Variants in RELL1 observed in about 807,000 individuals in gnomAD.
The protein encoded by RELL1 is RELT-like protein 1.
Under a neutral mutation model 23.0 loss-of-function variants are expected in RELL1, and 10 were observed. The observed-to-expected ratio is 0.43, with a 90% confidence interval of 0.27 to 0.74. The LOEUF (loss-of-function observed/expected upper bound fraction) is 0.74, where lower values mean the gene tolerates loss of function less well. RELL1 is among the 30% of genes least tolerant of loss of function. The probability of loss-of-function intolerance (pLI) is 0.19; values close to 1 mark genes in which losing one functional copy is unlikely to be tolerated. For synonymous variants in RELL1, 146 were observed against 146.8 expected, an observed-to-expected ratio of 0.99 and a Z score of 0.04; for missense variants, 315 against 364.4, an observed-to-expected ratio of 0.86 and a Z score of 1.10.
chr4:37,599,893 G>T (rs1718970646), intron 6 of RELL1, among the ~76,000 whole-genome samples: 1 of 152,108 alleles, frequency 6.6e-6, no homozygotes, highest in South Asian at 2.1e-4. Flanking sequence ...GTGATGGCTA[G>T]GCCCCTCTCT....
At chr4:37,649,650 T>C (rs1233711234) in intron 1 of RELL1, 150 bp from the exon 2 acceptor site, 11 of 654,316 alleles carry the variant, frequency 1.7e-5, no homozygotes, top group Non-Finnish European at 2.9e-5. Context: ...AGGCAAAAGA[T>C]AGCCCAGGTT....
At chr4:37,671,635 C>T (rs771447792) in intron 1 of RELL1, among the ~76,000 whole-genome samples, 5 of 152,206 alleles carry the variant, frequency 3.3e-5, no homozygotes, top group Non-Finnish European at 7.3e-5. Context: ...ATTGCTCACC[C>T]TCTTCCTGGA....
At chr4:37,653,960 T>C (rs1193044926) in intron 1 of RELL1, among the ~76,000 whole-genome samples, 3 of 152,222 alleles carry the variant, frequency 2.0e-5, no homozygotes, top group African/African-American at 7.2e-5. Context: ...CCTGCCCAAA[T>C]TGTATAACAA....
intron 1 of RELL1, among the ~76,000 whole-genome samples, chr4:37,649,719 C>A (rs1417292206): frequency 6.6e-6 from 1 of 152,224 alleles, no homozygotes; most frequent in East Asian, 1.9e-4. Flanking sequence ...CATGCTGGGT[C>A]ATTTTTTAAA....
At chr4:37,603,874 A>T (rs546060681) in intron 6 of RELL1, among the ~76,000 whole-genome samples, 1 of 152,302 alleles carries the variant, frequency 6.6e-6, no homozygotes, top group South Asian at 2.1e-4. Context: ...GCTTGAATGC[A>T]ATGGCACAAT....
intron 1 of RELL1, among the ~76,000 whole-genome samples, chr4:37,660,845 C>A (rs1294042095): frequency 6.6e-6 from 1 of 152,224 alleles, no homozygotes; most frequent in Non-Finnish European, 1.5e-5. Flanking sequence ...TCCTGGCTAA[C>A]ACGGTGAAAC....
chr4:37,591,750 A>G (rs376063576), intron 6 of RELL1: 17 of 152,250 alleles, frequency 1.1e-4, no homozygotes, highest in East Asian at 5.8e-4. Context: ...TAAGTTCATG[A>G]CATTCGGAAC....
chr4:37,608,702 G>A (rs1390407909), downstream of RELL1, among the ~76,000 whole-genome samples: 1 of 150,050 alleles, frequency 6.7e-6, no homozygotes, highest in African/African-American at 2.4e-5. Flanking sequence ...CTGGTGTGCA[G>A]TGACTGCAAT....
chr4:37,684,318 C>T (rs1351799328), intron 1 of RELL1, among the ~76,000 whole-genome samples: 1 of 150,988 alleles, frequency 6.6e-6, no homozygotes, highest in African/African-American at 2.5e-5. Context: ...CCTTTTTAGA[C>T]ACCTGTTTCT....
intron 6 of RELL1, among the ~76,000 whole-genome samples, chr4:37,601,888 A>G (rs539149790): frequency 1.3e-5 from 2 of 152,292 alleles, no homozygotes; most frequent in East Asian, 3.9e-4. Context: ...CAGAAGGGCA[A>G]CTAGGCCTTG....
At chr4:37,651,927 T>G (rs2109286314) in intron 1 of RELL1, among the ~76,000 whole-genome samples, 1 of 152,268 alleles carries the variant, frequency 6.6e-6, no homozygotes, top group Admixed American at 6.5e-5. Flanking sequence ...CTACAAGAGC[T>G]TGGGAACTGC....
chr4:37,598,252 C>CAAAAAA lies in RELL1; in HGVS notation c.*4-7041_*4-7036dup, dbSNP rs56142508. On this transcript the variant is annotated intron_variant, in intron 6 of 6. Transcript: ENST00000314117. ...TGGGAAACAAAGTGCAACTCTGTCT[C>CAAAAAA]AAAAAAAAAAAAAAAAAAAAAAAAA... Among the ~76,000 whole-genome samples, 65 of 11,334 alleles carry CAAAAAA rather than the reference C, an allele frequency of 5.7e-3. 7 individuals are homozygous for CAAAAAA. Among genetic ancestry groups the CAAAAAA allele is most frequent in the East Asian group, 0.024 (18 of 760 alleles). The allele number at this position is 11,334 out of a possible 152,430, so 7.4% of individuals were successfully genotyped here. A position where few individuals can be genotyped will look rare whatever the true frequency, so the allele number is the denominator to read the frequency against.
intron 4 of RELL1, among the ~76,000 whole-genome samples, chr4:37,637,083 AC>A (rs2109266580): frequency 6.6e-6 from 1 of 152,346 alleles, no homozygotes; most frequent in Non-Finnish European, 1.5e-5. Flanking sequence ...TTTCTCAAGT[AC>A]CAGCTATGTA....
chr4:37,636,182 A>G (rs1213406925), intron 4 of RELL1, among the ~76,000 whole-genome samples: 1 of 152,238 alleles, frequency 6.6e-6, no homozygotes, highest in African/African-American at 2.4e-5. Context: ...CCAAACCTAG[A>G]AAGTTTAATT....
At chr4:37,614,043 G>A (rs987381391) in intron 6 of RELL1, among the ~76,000 whole-genome samples, 27 of 152,222 alleles carry the variant, frequency 1.8e-4, no homozygotes, top group African/African-American at 6.5e-4. Flanking sequence ...GTTAAGGAAC[G>A]AAACGTTCTC....
rs140770371 is a variant in RELL1, at chr4:37,633,136, C to T, written c.681-1613G>A. ...TTAAAAAGCCATGTTTGGCCAGGCA[C>T]GGTGGCTTACACCTGTAATCCCAAC... On this transcript the variant is annotated intron_variant, in intron 5 of 6. Coordinates refer to ENST00000454158, the MANE Select transcript of RELL1 (RefSeq NM_001085400.2). 8.5e-4 allele frequency among the ~76,000 whole-genome samples: 130 copies of T among 152,228 alleles called. 2 individuals are homozygous for T. In the East Asian group the frequency reaches 0.023, roughly 27 times the overall value.
At chr4:37,618,397 T>C (rs541779758) in intron 6 of RELL1, among the ~76,000 whole-genome samples, 1 of 151,902 alleles carries the variant, frequency 6.6e-6, no homozygotes, top group African/African-American at 2.4e-5. Context: ...TTTTTTATTT[T>C]TTTTTATTTA....
downstream of RELL1, among the ~76,000 whole-genome samples, chr4:37,608,488 C>T (rs564880408): frequency 1.3e-5 from 2 of 152,220 alleles, no homozygotes; most frequent in East Asian, 3.9e-4. Context: ...AAACCAGCCA[C>T]AACATTCCCT....
chr4:37,677,835 G>A (rs1722068474), intron 1 of RELL1, among the ~76,000 whole-genome samples: 1 of 152,104 alleles, frequency 6.6e-6, no homozygotes, highest in Non-Finnish European at 1.5e-5. Flanking sequence ...AGCCGGGCAT[G>A]GTGGCAGGTG....
Sources: gnomAD v4.1 joint callset for allele counts (sites outside exome capture counted in the v4.1 genomes callset) on GRCh38, gnomAD v4.1.1 for gene constraint, MANE v1.5 for transcripts, NCBI Gene and HGNC (gene_info 2026-07-23, HGNC 2026-07-21) for gene names.